Variants in ATG16L2 observed in about 807,000 individuals in gnomAD.
ATG16L2 encodes the protein protein Atg16l2.
A neutral mutation model predicts 84.7 loss-of-function variants in ATG16L2; 77 were observed. That is an observed-to-expected ratio of 0.91 (90% CI 0.76 to 1.10). ATG16L2 has a LOEUF of 1.10. Ranked by LOEUF, ATG16L2 falls within the 50% of genes least tolerant of loss-of-function variation. The pLI is 0.00. For synonymous variants in ATG16L2, 361 were observed against 342.8 expected (o/e 1.05, Z -0.59); for missense variants, 782 against 817.6 (o/e 0.96, Z 0.53).
chr11:72,823,961 A>G, intron 7 of ATG16L2, 99 bp from the exon 8 acceptor site: 1 of 1,342,040 alleles, frequency 7.5e-7, no homozygotes, highest in Middle Eastern at 1.8e-4. Flanking sequence ...TTGAGAGGTT[A>G]CAAGCCTCCA....
At position 72,816,730 on chromosome 11, in the gene ATG16L2, AACCATCTC is replaced by A. The variant is rs771517454; in HGVS notation, c.122_129del (p.Asn41IlefsTer5). The A allele has an allele frequency of 1.6e-5, 26 of 1,613,760 alleles. 1 individual carries two copies. In the East Asian group the frequency reaches 5.3e-4, roughly 33 times the overall value. ...GCTCACTCTCTTGCACTCTCCAGAT[AACCATCTC>A]TTAGAGAAGGCTGAGCTGCTGGACA... On this transcript the variant is annotated frameshift_variant, in exon 2 of 18. Transcript: ENST00000321297. LOFTEE classifies it high-confidence loss of function.
At position 72,826,823 on chromosome 11, in the gene ATG16L2, T is replaced by G. The variant is rs766028610; in HGVS notation, c.1366T>G (p.Cys456Gly). 9 of 1,613,088 alleles carry G rather than the reference T, an allele frequency of 5.6e-6. No individual in the cohort carries two copies. Among genetic ancestry groups the G allele is most frequent in the Non-Finnish European group, 6.8e-6 (8 of 1,179,750 alleles). The part of the protein sequence containing the change: ...VKEWDLGRAY[C>G]SRTINVLSYC... ...GGAGTGGGACCTCGGCCGTGCCTATTGTGAGCCCGAGCCCCAGCCCCACCT... is the reference window on the plus strand; with the variant it reads ...GGAGTGGGACCTCGGCCGTGCCTATGGTGAGCCCGAGCCCCAGCCCCACCT... The change falls in exon 13 of 18, where the codon TGC becomes GGC. Residue 456 changes from cysteine to glycine, a missense_variant and splice_region_variant. Transcript: ENST00000321297.
chr11:72,825,281 C>T lies in ATG16L2; in HGVS notation c.997-21C>T, dbSNP rs757809558. The T allele has an allele frequency of 1.9e-6, 3 of 1,604,052 alleles. No homozygotes were observed. The Admixed American group carries it at 5.0e-5, about 27-fold the overall frequency. On this transcript the variant is annotated intron_variant, in intron 9 of 17. Transcript: ENST00000321297. The stretch of plus-strand genomic sequence containing the variant: ...ACATGCGCGGGGAGGGCCGGGGCAC[C>T]AACCTCCCCTTTCCCCACAGGATGC...
intron 5 of ATG16L2, chr11:72,840,770 G>T: frequency 1.3e-6 from 1 of 780,184 alleles, no homozygotes; most frequent in Non-Finnish European, 2.2e-6. Flanking sequence ...GTTCATCCTT[G>T]TTTGGCATAG....
rs762796519 is a variant in ATG16L2 at position 72,827,200 on chromosome 11, T to G, written c.1379T>G (p.Ile460Ser). 6.2e-7 allele frequency: 1 copy of G among 1,614,010 alleles called. No homozygotes were observed. Among genetic ancestry groups the G allele is most frequent in the Non-Finnish European group, 8.5e-7 (1 of 1,179,876 alleles). The change falls in exon 14 of 18, where the codon ATC becomes AGC. Residue 460 changes from isoleucine to serine, a missense_variant. Coordinates refer to ENST00000321297, the MANE Select transcript of ATG16L2 (RefSeq NM_033388.2). ...GCTTGGTCCCCAGGCTCCAGGACCA[T>G]CAATGTCCTTTCCTACTGTAATGAC... Reference protein sequence around the residue: ...DLGRAYCSRTINVLSYCNDVV... With the variant: ...DLGRAYCSRTSNVLSYCNDVV...
At chr11:72,818,185 T>G in intron 3 of ATG16L2, 1 of 298,134 alleles carries the variant, frequency 3.4e-6, no homozygotes. Flanking sequence ...TAGCACCAGT[T>G]GATGCTCAAT....
At chr11:72,826,126 T>A (rs747009341) in intron 10 of ATG16L2, 47 bp from the exon 11 acceptor site, 2 of 1,495,730 alleles carry the variant, frequency 1.3e-6, no homozygotes, top group Non-Finnish European at 1.8e-6. Context: ...CTCCATTTTG[T>A]GAGGTTAAGA....
intron 14 of ATG16L2, among the ~76,000 whole-genome samples, 156 bp from the exon 15 acceptor site, chr11:72,828,203 G>A (rs1860476448): frequency 6.6e-6 from 1 of 152,178 alleles, no homozygotes; most frequent in Non-Finnish European, 1.5e-5. Flanking sequence ...TGGGGAGAAG[G>A]GAGATGAGTC....
chr11:72,842,054 T>G (rs1417399985), intron 5 of ATG16L2, among the ~76,000 whole-genome samples: 1 of 152,234 alleles, frequency 6.6e-6, no homozygotes, highest in Non-Finnish European at 1.5e-5. Context: ...TTCCTCTACC[T>G]GTCTGGCCTG....
chr11:72,829,323 C>G lies in ATG16L2; in HGVS notation c.1793C>G (p.Ala598Gly), dbSNP rs1368475479. 4.3e-6 allele frequency: 7 copies of G among 1,613,118 alleles called. No homozygotes were observed. The Admixed American group carries it at 1.2e-4, about 27-fold the overall frequency. ...CCCAGCGCTGCCGTCAACGCCGTGG[C>G]CTGGTGCTACTCCGGGAGCCACATG... ...GPHCAAVNAV[A>G]WCYSGSHMVS... is the part of the protein sequence containing the mutation. The change falls in exon 18 of 18, where the codon GCC becomes GGC. Residue 598 changes from alanine (A) to glycine (G), a missense_variant. Physicochemically the swap from Ala to Gly is moderately conservative, Grantham distance 60. Coordinates refer to ENST00000321297, the MANE Select transcript of ATG16L2 (RefSeq NM_033388.2).
At chr11:72,833,471 A>G (rs1860649847), downstream of ATG16L2, among the ~76,000 whole-genome samples, 1 of 152,132 alleles carries the variant, frequency 6.6e-6, no homozygotes, top group East Asian at 1.9e-4. Context: ...GTCACAGCTA[A>G]TCTGAGGTGG....
chr11:72,827,427 G>C (rs759439878), intron 14 of ATG16L2, 134 bp downstream of exon 14: 8 of 683,744 alleles, frequency 1.2e-5, no homozygotes, highest in Non-Finnish European at 2.0e-5. Flanking sequence ...GGCTGGCACT[G>C]CCAGCTAGTG....
At chr11:72,831,792 C>T (rs959719044), downstream of ATG16L2, among the ~76,000 whole-genome samples, 1 of 152,206 alleles carries the variant, frequency 6.6e-6, no homozygotes, top group Non-Finnish European at 1.5e-5. Context: ...TTCCTCCCAA[C>T]TACATTGCCA....
At chr11:72,816,100 TC>T (rs1004000738) in intron 1 of ATG16L2, 4 of 152,618 alleles carry the variant, frequency 2.6e-5, no homozygotes, top group African/African-American at 9.7e-5. Flanking sequence ...CGTCTCAGCC[TC>T]CCGAGTAGCT....
downstream of ATG16L2, among the ~76,000 whole-genome samples, chr11:72,831,596 A>G (rs1860608589): frequency 6.6e-6 from 1 of 152,048 alleles, no homozygotes; most frequent in East Asian, 1.9e-4. Flanking sequence ...TCAGCCTTCT[A>G]CTCTGCCCCA....
intron 5 of ATG16L2, chr11:72,841,667 G>C (rs2135152082): frequency 7.4e-7 from 1 of 1,350,686 alleles, no homozygotes. Context: ...CTGTACTCAT[G>C]CCTTTTCTCT....
chr11:72,822,850 G>A lies in ATG16L2; in HGVS notation c.713G>A (p.Gly238Asp), dbSNP rs775402637. The change falls in exon 7 of 18, where the codon GGC becomes GAC. Residue 238 changes from glycine to aspartate, a missense_variant and splice_region_variant. Coordinates refer to ENST00000321297, the MANE Select transcript of ATG16L2 (RefSeq NM_033388.2). This position sits in a 1 kb window ranked among gnomAD's most constrained non-coding sequence, Gnocchi z 4.2. The part of the protein sequence containing the change: ...AAKRTVSISE[G>D]PDTLGDGMRE... ...CTGAACTTCATTACCTCTCCTAGGG[G>A]CCCGGACACCCTAGGCGATGGGATG... The A allele has an allele frequency of 6.4e-7, 1 of 1,555,006 alleles. No homozygotes were observed. Among genetic ancestry groups the A allele is most frequent in the Non-Finnish European group, 8.7e-7 (1 of 1,148,642 alleles).
Position 72,824,791 on chromosome 11 carries a change from C to A in ATG16L2, c.945C>A (p.Ile315=), listed in dbSNP as rs1407303935. 3 of 1,611,086 alleles carry A rather than the reference C, an allele frequency of 1.9e-6. No individual in the cohort carries two copies. The highest frequency in any genetic ancestry group is 2.5e-6 in the Non-Finnish European group (3 of 1,178,654). The change falls in exon 9 of 18, where the codon ATC becomes ATA. Residue 315 remains isoleucine, a synonymous_variant. Coordinates refer to ENST00000321297, the MANE Select transcript of ATG16L2 (RefSeq NM_033388.2). Reference sequence around the variant, plus strand: ...GAGCCCCTGAGCAGCGATACCAGATCATCCCTGTGTGTGTGGCTGCCCGAC... The same window carrying A: ...GAGCCCCTGAGCAGCGATACCAGATAATCCCTGTGTGTGTGGCTGCCCGAC... The part of the protein sequence containing the change: ...IGGAPEQRYQ[I]IPVCVAARLP...
intron 5 of ATG16L2, among the ~76,000 whole-genome samples, chr11:72,842,268 T>C (rs1055227053): frequency 1.7e-4 from 26 of 152,362 alleles, no homozygotes; most frequent in African/African-American, 5.3e-4. Flanking sequence ...GAGAGCCAGC[T>C]AAGAGTTTTA....
Sources: allele counts gnomAD v4.1 joint callset (sites outside exome capture counted in the v4.1 genomes callset), GRCh38; gene constraint gnomAD v4.1.1; non-coding constraint Gnocchi (gnomAD v3.1); transcripts MANE v1.5; gene names NCBI Gene and HGNC (gene_info 2026-07-23, HGNC 2026-07-21).